Variants in FRY observed in about 807,000 individuals in gnomAD.
FRY encodes protein furry homolog.
Under a neutral mutation model 348.4 loss-of-function variants are expected in FRY, and 128 were observed. The ratio of observed to expected loss-of-function variants is 0.37; its 90% CI spans 0.32 to 0.43. The LOEUF is 0.43. FRY is among the 20% of genes least tolerant of loss of function. FRY has a pLI of 1.00. For synonymous variants in FRY, 1,370 were observed against 1,374.7 expected (o/e 1.00, Z 0.08); for missense variants, 2,736 against 3,695.2 (o/e 0.74, Z 6.73).
chr13:32,247,547 T>C, intron 48 of FRY, 45 bp downstream of exon 48: 1 of 1,419,936 alleles, frequency 7.0e-7, no homozygotes, highest in Non-Finnish European at 1.0e-6. Flanking sequence ...AGCATGAATT[T>C]GTAGTAGCAA....
intron 1 of FRY, among the ~76,000 whole-genome samples, chr13:32,069,787 A>C (rs1355496483): frequency 1.3e-5 from 2 of 152,204 alleles, no homozygotes; most frequent in African/African-American, 2.4e-5. Context: ...ATAGGTATAC[A>C]TGCGCCATGT....
intron 31 of FRY, among the ~76,000 whole-genome samples, chr13:32,205,558 G>A (rs1884306034): frequency 6.6e-6 from 1 of 152,154 alleles, no homozygotes; most frequent in South Asian, 2.1e-4. Context: ...AGAGATGGTC[G>A]TGGGCAGATG....
At chr13:32,226,539 T>C (rs1593768541) in intron 39 of FRY, among the ~76,000 whole-genome samples, 1 of 152,362 alleles carries the variant, frequency 6.6e-6, no homozygotes, top group East Asian at 1.9e-4. Context: ...TACTCTGCCA[T>C]GTCACGCCAT....
In FRY at chr13:32,295,154, T is replaced by G. The variant is rs1226724197; in HGVS notation, c.8784-48T>G. On this transcript the variant is annotated intron_variant, in intron 60 of 60. Transcript: ENST00000542859. ...TAATGAAGACTCATAAGCTCCCAACTTTGTGACTAATAGTGCCTCTAATCT... is the reference window on the plus strand; with the variant it reads ...TAATGAAGACTCATAAGCTCCCAACGTTGTGACTAATAGTGCCTCTAATCT... 14 of 1,593,014 alleles carry G rather than the reference T, an allele frequency of 8.8e-6. No homozygotes were observed. The Admixed American group carries it at 2.3e-4, about 27-fold the overall frequency.
At chr13:32,060,056 T>G (rs1873853469) in intron 1 of FRY, among the ~76,000 whole-genome samples, 1 of 152,254 alleles carries the variant, frequency 6.6e-6, no homozygotes, top group Non-Finnish European at 1.5e-5. Flanking sequence ...CATGCTGTTT[T>G]GTAATTACAA....
chr13:32,201,585 G>A (rs1298647312), intron 29 of FRY, among the ~76,000 whole-genome samples: 1 of 151,650 alleles, frequency 6.6e-6, no homozygotes, highest in East Asian at 1.9e-4. Context: ...TTTAGTACAT[G>A]TATCCTTTTC....
Position 32,244,171 on chromosome 13 carries a change from A to G in FRY, c.6817A>G (p.Lys2273Glu). The change falls in exon 47 of 61, where the codon AAA (lysine) becomes GAA (glutamate). Residue 2273 changes from lysine to glutamate, a missense_variant. Around this residue, in one of 9 missense-constraint regions of FRY, gnomAD observed 789 missense variants for 996.2 expected, o/e 0.79. Coordinates refer to ENST00000542859, the MANE Select transcript of FRY (RefSeq NM_023037.3). ...TGTGGAAGTTCTGAAGACAATTGAA[A>G]AATATGTGCAAGTGAGTACTTGGAT... Reference protein sequence around the residue: ...FNVEVLKTIEKYVQSVHWREA... With the variant: ...FNVEVLKTIEEYVQSVHWREA... 1 of 1,613,642 alleles carries G rather than the reference A, an allele frequency of 6.2e-7. No individual in the cohort carries two copies. The highest frequency in any genetic ancestry group is 8.5e-7 in the Non-Finnish European group (1 of 1,179,618).
At chr13:32,104,439 A>G (rs1877401016) in intron 3 of FRY, among the ~76,000 whole-genome samples, 1 of 152,250 alleles carries the variant, frequency 6.6e-6, no homozygotes, top group Non-Finnish European at 1.5e-5. Flanking sequence ...ACTCACATGC[A>G]CATTAACGCT....
chr13:32,261,874 A>T, intron 52 of FRY, 58 bp downstream of exon 52: 1 of 1,480,256 alleles, frequency 6.8e-7, no homozygotes, highest in Non-Finnish European at 9.4e-7. Context: ...TAACTAATGC[A>T]GGAGGACAGT....
intron 1 of FRY, among the ~76,000 whole-genome samples, chr13:32,069,521 G>T (rs1395402586): frequency 6.6e-6 from 1 of 152,164 alleles, no homozygotes; most frequent in Non-Finnish European, 1.5e-5. Context: ...AAGACAGTCT[G>T]GGAATGGTGT....
At chr13:32,259,831 C>T (rs985496546) in intron 51 of FRY, among the ~76,000 whole-genome samples, 2 of 151,694 alleles carry the variant, frequency 1.3e-5, no homozygotes, top group African/African-American at 2.4e-5. Flanking sequence ...AATCCCAGTA[C>T]AACAGTTAGC....
rs763456375 is a variant in FRY at position 32,218,862 on chromosome 13, C to T, written c.4765+31C>T. The T allele has an allele frequency of 1.2e-4, 153 of 1,275,846 alleles. 1 individual carries two copies. The highest frequency in any genetic ancestry group is 1.6e-4 in the Non-Finnish European group (140 of 871,996). 79.0% of individuals were successfully genotyped at this position (1,275,846 alleles called of 1,614,324 possible). ...TACCAACAGGCTGTGGGCTTTCAGA[C>T]GGAACGCAAGTGGTCAGAGGATGGA... On this transcript the variant is annotated intron_variant, in intron 36 of 60. Transcript: ENST00000542859.
intron 1 of FRY, among the ~76,000 whole-genome samples, chr13:32,049,547 G>A (rs924105716): frequency 6.6e-6 from 1 of 152,098 alleles, no homozygotes; most frequent in African/African-American, 2.4e-5. Flanking sequence ...CCATTCTCCT[G>A]CCTCAGCCTC....
intron 35 of FRY, among the ~76,000 whole-genome samples, chr13:32,215,428 A>T (rs919783240): frequency 5.3e-5 from 8 of 152,214 alleles, no homozygotes; most frequent in Non-Finnish European, 1.0e-4. Context: ...AAAAATTTTT[A>T]AAAACTATCA....
In FRY at chr13:32,131,846, G is replaced by C. The variant is rs541512975; in HGVS notation, c.885+6G>C. ...CCTCTCTTCAGTTTATGCAGGTAAT[G>C]TCTTAGGCAGGAGAGCTAAGGTGCT... is the stretch of plus-strand genomic sequence containing the variant. On this transcript the variant is annotated splice_donor_region_variant and intron_variant, in intron 8 of 60. Coordinates refer to ENST00000542859, the MANE Select transcript of FRY (RefSeq NM_023037.3). The C allele has an allele frequency of 6.8e-6, 11 of 1,610,174 alleles. No homozygotes were observed. Among genetic ancestry groups the C allele is most frequent in the Non-Finnish European group, 9.3e-6 (11 of 1,176,542 alleles).
intron 2 of FRY, among the ~76,000 whole-genome samples, chr13:32,083,551 G>A (rs1187757391): frequency 6.6e-6 from 1 of 152,008 alleles, no homozygotes; most frequent in Non-Finnish European, 1.5e-5. Context: ...TGCATCCACG[G>A]TTGTGGGAGT....
At position 32,131,747 on chromosome 13, in the gene FRY, T is replaced by C. The variant is rs754267721; in HGVS notation, c.792T>C (p.Val264=). ...ACAAAGAGCAGAACCCATATGTGGTTCAAAGCATTATCAGCTTAATAATGG... is the reference window on the plus strand; with the variant it reads ...ACAAAGAGCAGAACCCATATGTGGTCCAAAGCATTATCAGCTTAATAATGG... The part of the protein sequence containing the change: ...LRHKEQNPYV[V]QSIISLIMGM... The change falls in exon 8 of 61, where the codon GTT becomes GTC. Residue 264 remains valine, a synonymous_variant. Transcript: ENST00000542859. The C allele has an allele frequency of 2.8e-5, 45 of 1,613,502 alleles. No individual in the cohort carries two copies. The highest frequency in any genetic ancestry group is 3.7e-5 in the Non-Finnish European group (44 of 1,179,516).
At chr13:32,199,420 A>C (rs993783539) in intron 29 of FRY, among the ~76,000 whole-genome samples, 1 of 152,216 alleles carries the variant, frequency 6.6e-6, no homozygotes, top group Admixed American at 6.5e-5. Context: ...GCAGATCATC[A>C]AGCAGTACAG....
intron 44 of FRY, among the ~76,000 whole-genome samples, chr13:32,238,479 A>G (rs1224648293): frequency 1.3e-5 from 2 of 151,748 alleles, no homozygotes; most frequent in African/African-American, 2.4e-5. Flanking sequence ...TTTGAGACAG[A>G]GTCTTGCTCT....
Sources: allele counts gnomAD v4.1 joint callset (sites outside exome capture counted in the v4.1 genomes callset), GRCh38; gene constraint gnomAD v4.1.1; regional missense constraint gnomAD v4.1.1; transcripts MANE v1.5; gene names NCBI Gene and HGNC (gene_info 2026-07-23, HGNC 2026-07-21).